Variants in LRRC4C observed in about 807,000 individuals in gnomAD.
LRRC4C encodes the protein leucine rich repeat containing 4C.
LRRC4C carries 5 observed loss-of-function variants against 33.6 expected under a neutral mutation model. The observed-to-expected ratio is 0.15, with a 90% CI of 0.08 to 0.31. LRRC4C has a LOEUF of 0.31. Ranked by LOEUF, LRRC4C falls within the 10% of genes least tolerant of loss-of-function variation. The pLI is 1.00. For synonymous variants in LRRC4C, 329 were observed against 302.0 expected, an observed-to-expected ratio of 1.09 and a Z score of -0.93; for missense variants, 560 against 796.7, an observed-to-expected ratio of 0.70 and a Z score of 3.58.
intron 2 of LRRC4C, among the ~76,000 whole-genome samples, chr11:40,764,443 G>A (rs901960427): frequency 1.3e-5 from 2 of 152,116 alleles, no homozygotes; most frequent in Admixed American, 1.3e-4. Flanking sequence ...CTCAGCCACA[G>A]TAGATAGAAC....
rs542025715 is a variant in LRRC4C at position 40,709,883 on chromosome 11, G to A, written c.-406-61605C>T. 6.6e-5 allele frequency among the ~76,000 whole-genome samples: 10 copies of A among 152,116 alleles called. No individual in the cohort carries two copies. In the East Asian group the frequency reaches 1.2e-3, roughly 18 times the overall value. ...CCCATATTTCTTGGAGGCTTTGTTC[G>A]TTTCTTTTTACTCTTTTTTCTCTAA... On this transcript the variant is annotated intron_variant, in intron 2 of 6. Transcript: ENST00000528697.
chr11:40,532,846 A>G (rs1310631848), intron 3 of LRRC4C, among the ~76,000 whole-genome samples: 1 of 152,156 alleles, frequency 6.6e-6, no homozygotes, highest in Non-Finnish European at 1.5e-5. Flanking sequence ...TAACTGACTC[A>G]CAGTTTCGCA....
chr11:40,298,896 G>T (rs1332451010), intron 4 of LRRC4C, among the ~76,000 whole-genome samples: 1 of 151,620 alleles, frequency 6.6e-6, no homozygotes, highest in Non-Finnish European at 1.5e-5. Flanking sequence ...AAAAGAGCAT[G>T]GGGGGAAATG....
At chr11:40,400,368 C>A (rs888550904) in intron 3 of LRRC4C, among the ~76,000 whole-genome samples, 1 of 152,082 alleles carries the variant, frequency 6.6e-6, no homozygotes, top group Non-Finnish European at 1.5e-5. Flanking sequence ...TTTGCTTCCA[C>A]CTGTGTGTTC....
intron 1 of LRRC4C, among the ~76,000 whole-genome samples, chr11:41,166,243 G>C (rs769533538): frequency 3.4e-4 from 52 of 152,032 alleles, no homozygotes; most frequent in Admixed American, 6.6e-5. Context: ...TAATATATCT[G>C]TTTGGTCTTC....
Position 40,974,998 on chromosome 11 carries a change from C to G in LRRC4C, c.-495-41275G>C, listed in dbSNP as rs947362582. ...TTGAGGTGTCTCAACTCGGACTGAG[C>G]CAAGCTACCAGCATCCCAGGGTCTC... On this transcript the variant is annotated intron_variant, in intron 1 of 6. Transcript: ENST00000528697. Among the ~76,000 whole-genome samples the G allele has an allele frequency of 4.6e-5, 7 of 152,260 alleles. No individual in the cohort carries two copies. The East Asian group carries it at 1.4e-3, about 29-fold the overall frequency.
At chr11:40,869,347 A>T (rs1329818658) in intron 2 of LRRC4C, among the ~76,000 whole-genome samples, 2 of 152,156 alleles carry the variant, frequency 1.3e-5, no homozygotes, top group African/African-American at 4.8e-5. Flanking sequence ...AAGCAGGGGC[A>T]GGAGAGGGAC....
chr11:40,867,027 C>T (rs531752715), intron 2 of LRRC4C, among the ~76,000 whole-genome samples: 1 of 152,244 alleles, frequency 6.6e-6, no homozygotes, highest in Admixed American at 6.5e-5. Context: ...TGTATATGTT[C>T]CTTCACAGGA....
chr11:40,154,547 G>A (rs1025336732), intron 5 of LRRC4C, among the ~76,000 whole-genome samples: 2 of 152,130 alleles, frequency 1.3e-5, no homozygotes, highest in African/African-American at 4.8e-5. Context: ...GTGAGCCAGG[G>A]TAGTTATTCC....
intron 3 of LRRC4C, among the ~76,000 whole-genome samples, chr11:40,359,781 C>G (rs1947863153): frequency 6.6e-6 from 1 of 152,254 alleles, no homozygotes; most frequent in South Asian, 2.1e-4. Flanking sequence ...CAATTCATTT[C>G]CATGAGCATT....
intron 1 of LRRC4C, among the ~76,000 whole-genome samples, chr11:41,288,235 C>T (rs998716568): frequency 6.6e-6 from 1 of 152,210 alleles, no homozygotes; most frequent in East Asian, 1.9e-4. Context: ...GCCACTTAGG[C>T]TTGACAGTAC....
At chr11:40,448,605 A>G in intron 3 of LRRC4C, among the ~76,000 whole-genome samples, 1 of 152,196 alleles carries the variant, frequency 6.6e-6, no homozygotes, top group East Asian at 1.9e-4. Flanking sequence ...GCTGCATAGT[A>G]TTCCATGGTG....
rs1416639301 is a variant in LRRC4C at position 40,115,892 on chromosome 11, T to C, written c.401A>G (p.Asn134Ser). 1.9e-6 allele frequency: 3 copies of C among 1,613,998 alleles called. No individual in the cohort carries two copies. Among genetic ancestry groups the C allele is most frequent in the Non-Finnish European group, 2.5e-6 (3 of 1,180,008 alleles). Residue 134 changes from asparagine to serine, a missense_variant, in exon 7 of 7, where the codon AAT becomes AGT. Physicochemically the swap from Asn to Ser is conservative, Grantham distance 46 (BLOSUM62 1). Transcript: ENST00000528697. The surrounding 1 kb of genome is among the most constrained non-coding windows in gnomAD (Gnocchi z 6.7). ...TCCATTCGGGATGGTAGTAAGACGA[T>C]TGTCAAAGAGTTCCAGAGTGTTGAG... is the stretch of plus-strand genomic sequence containing the variant. ...ANLNTLELFD[N>S]RLTTIPNGAF... is the part of the protein sequence containing the mutation.
intron 1 of LRRC4C, among the ~76,000 whole-genome samples, chr11:41,005,277 A>T (rs1854661529): frequency 1.3e-5 from 2 of 152,134 alleles, no homozygotes; most frequent in Admixed American, 1.3e-4. Context: ...TCCCTTCAGT[A>T]ACAAGTTCAT....
At chr11:40,336,358 T>A (rs1946601673) in intron 3 of LRRC4C, among the ~76,000 whole-genome samples, 1 of 152,092 alleles carries the variant, frequency 6.6e-6, no homozygotes, top group South Asian at 2.1e-4. Flanking sequence ...GGCTAATACG[T>A]ATTTCCCACA....
At chr11:40,867,889 C>T (rs1000311084) in intron 2 of LRRC4C, among the ~76,000 whole-genome samples, 2 of 152,170 alleles carry the variant, frequency 1.3e-5, no homozygotes, top group South Asian at 2.1e-4. Flanking sequence ...GATAATGTCA[C>T]TCTGGCAATG....
chr11:40,194,528 C>A (rs929752662), intron 5 of LRRC4C, among the ~76,000 whole-genome samples: 1 of 151,914 alleles, frequency 6.6e-6, no homozygotes, highest in Non-Finnish European at 1.5e-5. Context: ...GAACAGAAAA[C>A]CAAACACCAC....
At chr11:40,981,178 G>C (rs1852493957) in intron 1 of LRRC4C, among the ~76,000 whole-genome samples, 3 of 152,150 alleles carry the variant, frequency 2.0e-5, no homozygotes, top group Admixed American at 2.0e-4. Flanking sequence ...CACTTTGAGA[G>C]GCCGAGACGG....
At chr11:41,079,276 A>G (rs1283908375) in intron 1 of LRRC4C, among the ~76,000 whole-genome samples, 6 of 152,176 alleles carry the variant, frequency 3.9e-5, no homozygotes, top group African/African-American at 1.4e-4. Context: ...TGAAGTTGGT[A>G]GGAGACTTGA....
Sources: allele counts gnomAD v4.1 joint callset (sites outside exome capture counted in the v4.1 genomes callset), GRCh38; gene constraint gnomAD v4.1.1; non-coding constraint Gnocchi (gnomAD v3.1); transcripts MANE v1.5; gene names NCBI Gene and HGNC (gene_info 2026-07-23, HGNC 2026-07-21).